The following ACOT2 variants were observed in gnomAD, a reference collection of about 807,000 sequenced individuals.
ACOT2 encodes acyl-coenzyme A thioesterase 2, mitochondrial.
A neutral mutation model predicts 20.1 loss-of-function variants in ACOT2; 15 were observed. That is an observed-to-expected ratio of 0.75 (90% CI 0.50 to 1.15). The LOEUF is 1.15. Ranked by LOEUF, ACOT2 falls within the 50% of genes most tolerant of loss-of-function variation. The probability of loss-of-function intolerance (pLI) is 0.00; values close to 1 mark genes in which losing one functional copy is unlikely to be tolerated. For missense variants in ACOT2, 479 were observed against 615.3 expected (o/e 0.78, Z 2.34); for synonymous variants, 252 against 268.4 (o/e 0.94, Z 0.60).
chr14:73,570,486 G>GTGAA (rs1889705998), intron 1 of ACOT2, among the ~76,000 whole-genome samples: 2 of 151,858 alleles, frequency 1.3e-5, no homozygotes, highest in African/African-American at 4.8e-5. Context: ...GGAGAATGGT[G>GTGAA]TGAACCCGGG....
At chr14:73,574,021 C>T (rs1004963452) in intron 2 of ACOT2, among the ~76,000 whole-genome samples, 6 of 141,340 alleles carry the variant, frequency 4.2e-5, no homozygotes, top group Non-Finnish European at 6.1e-5. Context: ...CCACTATGCC[C>T]AGCCTAATAT....
chr14:73,572,765 C>T (rs1356154699), intron 1 of ACOT2, among the ~76,000 whole-genome samples: 1 of 149,468 alleles, frequency 6.7e-6, no homozygotes, highest in Non-Finnish European at 1.5e-5. Flanking sequence ...CCTCCCTCAG[C>T]CTCCCGAGTA....
In ACOT2 at chr14:73,569,655, C is replaced by G. The variant is rs764707471; in HGVS notation, c.415C>G (p.Pro139Ala). 3.1e-6 allele frequency: 5 copies of G among 1,605,898 alleles called. No individual in the cohort carries two copies. The highest frequency in any genetic ancestry group is 3.4e-5 in the Admixed American group (2 of 59,602). Residue 139 changes from proline to alanine, a missense_variant, in exon 1 of 3, where the codon CCC becomes GCC. This residue lies in a region of ACOT2 where 400 missense variants were observed against 395.5 expected (regional missense o/e 1.01). Coordinates refer to ENST00000238651, the MANE Select transcript of ACOT2 (RefSeq NM_006821.6). ...ALGGSFAGLE[P>A]MGLLWALEPE... is the part of the protein sequence containing the mutation. Reference sequence around the variant, plus strand: ...GGGCGGCAGCTTCGCGGGGCTTGAGCCCATGGGGCTGCTCTGGGCCTTGGA... The same window carrying G: ...GGGCGGCAGCTTCGCGGGGCTTGAGGCCATGGGGCTGCTCTGGGCCTTGGA...
chr14:73,569,025 G>T, upstream of ACOT2: 1 of 614,334 alleles, frequency 1.6e-6, no homozygotes, highest in Non-Finnish European at 2.8e-6. Context: ...ACCAGCCCTG[G>T]TCCAGCCCAT....
chr14:73,569,919 G>A lies in ACOT2; in HGVS notation c.643+36G>A, dbSNP rs375496110. ...TCCGCTAATTGTTCCGTGTTCGTTCGCCTTTCACTTTGTGTGTCTCCCCCG... is the reference window on the plus strand; with the variant it reads ...TCCGCTAATTGTTCCGTGTTCGTTCACCTTTCACTTTGTGTGTCTCCCCCG... On this transcript the variant is annotated intron_variant, in intron 1 of 2. Transcript: ENST00000238651. 173 of 1,581,078 alleles carry A rather than the reference G, an allele frequency of 1.1e-4. No homozygotes were observed. The African/African-American group carries it at 2.1e-3, about 19-fold the overall frequency.
chr14:73,573,622 A>G (rs1595171167), intron 2 of ACOT2, 32 bp downstream of exon 2: 1 of 1,611,586 alleles, frequency 6.2e-7, no homozygotes, highest in East Asian at 2.2e-5. Flanking sequence ...ATGGGCTATG[A>G]TGTATCAGGT....
chr14:73,568,768 G>A (rs148551546), upstream of ACOT2, among the ~76,000 whole-genome samples: 283 of 152,166 alleles, frequency 1.9e-3, 8 homozygotes, highest in Middle Eastern at 3.4e-3. Flanking sequence ...TGTAAGGAAT[G>A]AAGCTCAGAG....
chr14:73,571,945 T>G (rs1419181539), intron 1 of ACOT2, among the ~76,000 whole-genome samples: 1 of 151,508 alleles, frequency 6.6e-6, no homozygotes, highest in Non-Finnish European at 1.5e-5. Flanking sequence ...TTATTAATAA[T>G]CAAAGAAATG....
rs7494 is a variant in ACOT2 at position 73,575,485 on chromosome 14, A to G, written c.1424A>G (p.His475Arg). The part of the protein sequence containing the change: ...QTFFHKHLGG[H>R]EGTIPSKV ...TTCTTCCACAAACACTTGGGTGGCC[A>G]CGAGGGGACAATCCCATCAAAAGTG... The change falls in exon 3 of 3, where the codon CAC (histidine) becomes CGC (arginine). Residue 475 changes from histidine (H) to arginine (R), a missense_variant. Physicochemically the swap from His to Arg is conservative, Grantham distance 29. Around this residue, in one of 4 missense-constraint regions of ACOT2, gnomAD observed 40 missense variants for 93.4 expected, o/e 0.43. Coordinates refer to ENST00000238651, the MANE Select transcript of ACOT2 (RefSeq NM_006821.6). 0.33 allele frequency: 481,592 copies of G among 1,463,818 alleles called. 39,437 individuals carry two copies. The highest frequency in any genetic ancestry group is 0.81 in the East Asian group (34,052 of 41,976). The allele number at this position is 1,463,818 out of a possible 1,614,324, so 90.7% of individuals were successfully genotyped here.
In ACOT2 at chr14:73,569,929, T is replaced by G. The variant is rs561288186; in HGVS notation, c.643+46T>G. Reference sequence around the variant, plus strand: ...GTTCCGTGTTCGTTCGCCTTTCACTTTGTGTGTCTCCCCCGCCCCACGCTT... The same window carrying G: ...GTTCCGTGTTCGTTCGCCTTTCACTGTGTGTGTCTCCCCCGCCCCACGCTT... On this transcript the variant is annotated intron_variant, in intron 1 of 2. Coordinates refer to ENST00000238651, the MANE Select transcript of ACOT2 (RefSeq NM_006821.6). The G allele has an allele frequency of 7.6e-6, 12 of 1,568,932 alleles. No homozygotes were observed. In the African/African-American group the frequency reaches 9.5e-5, roughly 12 times the overall value.
At chr14:73,574,558 CG>C (rs1347615390) in intron 2 of ACOT2, among the ~76,000 whole-genome samples, 3 of 151,950 alleles carry the variant, frequency 2.0e-5, no homozygotes, top group African/African-American at 7.2e-5. Flanking sequence ...CCACCACTCC[CG>C]GCCATGAGAT....
upstream of ACOT2, chr14:73,567,778 A>G (rs1783479191): frequency 6.6e-6 from 1 of 152,084 alleles, no homozygotes; most frequent in Non-Finnish European, 1.5e-5. Context: ...CCATGAACCC[A>G]CTGAGAGGAA....
At chr14:73,570,272 TAA>T (rs1223058325) in intron 1 of ACOT2, among the ~76,000 whole-genome samples, 55 of 151,582 alleles carry the variant, frequency 3.6e-4, no homozygotes, top group African/African-American at 1.2e-3. Context: ...AGTGCTCAGT[TAA>T]AAGACATTGT....
chr14:73,569,119 A>C, upstream of ACOT2: 2 of 1,195,782 alleles, frequency 1.7e-6, no homozygotes, highest in South Asian at 2.9e-5. Context: ...AGGAGACTTT[A>C]AGCAAGTTCC....
chr14:73,569,573 C>T lies in ACOT2; in HGVS notation c.333C>T (p.His111=), dbSNP rs1196685599. ...AGAAGGGCGCGCTTTTCCAGGCCCA[C>T]GCGCGCTACCGCGCCGACACTCTTG... is the stretch of plus-strand genomic sequence containing the variant. The part of the protein sequence containing the change: ...RDEKGALFQA[H]ARYRADTLGE... The change falls in exon 1 of 3, where the codon CAC becomes CAT. Residue 111 remains histidine, a synonymous_variant. Coordinates refer to ENST00000238651, the MANE Select transcript of ACOT2 (RefSeq NM_006821.6). The T allele has an allele frequency of 3.8e-6, 6 of 1,598,618 alleles. 1 individual carries two copies. Among genetic ancestry groups the T allele is most frequent in the Non-Finnish European group, 4.3e-6 (5 of 1,174,600 alleles).
chr14:73,572,499 T>C (rs1889775970), intron 1 of ACOT2, among the ~76,000 whole-genome samples: 2 of 151,578 alleles, frequency 1.3e-5, no homozygotes, highest in African/African-American at 2.4e-5. Context: ...GGTAATACTA[T>C]GAAGAAAACC....
chr14:73,568,462 G>A (rs1889643175), upstream of ACOT2, among the ~76,000 whole-genome samples: 1 of 151,892 alleles, frequency 6.6e-6, no homozygotes, highest in African/African-American at 2.4e-5. Flanking sequence ...GAGAGGCTGA[G>A]TCAGGAAGAT....
rs150834178 is a variant in ACOT2, at chr14:73,571,845, T to G, written c.644-1543T>G. Among the ~76,000 whole-genome samples, 168 of 152,232 alleles carry G rather than the reference T, an allele frequency of 1.1e-3. 1 individual carries two copies. The East Asian group carries it at 0.019, about 17-fold the overall frequency. ...TTAGCATTTACAATAGGAAAACCTC[T>G]TCCTGTCAAATGGAAATTTGAGGTT... On this transcript the variant is annotated intron_variant, in intron 1 of 2. Coordinates refer to ENST00000238651, the MANE Select transcript of ACOT2 (RefSeq NM_006821.6).
At chr14:73,571,729 TA>T (rs1889755599) in intron 1 of ACOT2, 1 of 152,006 alleles carries the variant, frequency 6.6e-6, no homozygotes, top group African/African-American at 2.4e-5. Flanking sequence ...CTCGGGATCC[TA>T]GGGGTATGGG....
Sources: gnomAD v4.1 joint callset for allele counts (sites outside exome capture counted in the v4.1 genomes callset) on GRCh38, gnomAD v4.1.1 for gene constraint, gnomAD v4.1.1 regional missense constraint, MANE v1.5 for transcripts, NCBI Gene and HGNC (gene_info 2026-07-23, HGNC 2026-07-21) for gene names.